KIF11: variants seen among roughly 807,000 people sequenced by gnomAD.
KIF11 encodes the protein kinesin-like protein KIF11.
A neutral mutation model predicts 121.0 loss-of-function variants in KIF11; 9 were observed. The observed-to-expected ratio is 0.07, with a 90% confidence interval of 0.04 to 0.13. The LOEUF (loss-of-function observed/expected upper bound fraction) is 0.13. KIF11 is among the 10% of genes least tolerant of loss of function. The probability of loss-of-function intolerance (pLI) is 1.00; values close to 1 mark genes in which losing one functional copy is unlikely to be tolerated. For synonymous variants in KIF11, 408 were observed against 421.0 expected, an observed-to-expected ratio of 0.97 and a Z score of 0.38; for missense variants, 846 against 1,217.5, an observed-to-expected ratio of 0.69 and a Z score of 4.54.
At chr10:92,594,311 G>T (rs1844267733) in intron 1 of KIF11, among the ~76,000 whole-genome samples, 1 of 152,130 alleles carries the variant, frequency 6.6e-6, no homozygotes, top group Non-Finnish European at 1.5e-5. Flanking sequence ...TTAGGCTATT[G>T]TTTACTCAGC....
Position 92,654,459 on chromosome 10 carries a change from G to C in KIF11, c.*663G>C, listed in dbSNP as rs1210042542. On this transcript the variant is annotated 3_prime_UTR_variant, in exon 22 of 22. Coordinates refer to ENST00000260731, the MANE Select transcript of KIF11 (RefSeq NM_004523.4). Reference sequence around the variant, plus strand: ...ATCACCAACATCTGTCCTTAGAAAGGACCATCTCATGTTTTTTTTCTTGCT... The same window carrying C: ...ATCACCAACATCTGTCCTTAGAAAGCACCATCTCATGTTTTTTTTCTTGCT... 1 of 152,024 alleles carries C rather than the reference G, an allele frequency of 6.6e-6. No homozygotes were observed. Among genetic ancestry groups the C allele is most frequent in the Non-Finnish European group, 1.5e-5 (1 of 68,000 alleles). The allele number at this position is 152,024 out of a possible 1,614,324, so 9.4% of individuals were successfully genotyped here.
At chr10:92,603,266 T>TC (rs1408343564) in intron 1 of KIF11, among the ~76,000 whole-genome samples, 4 of 136,352 alleles carry the variant, frequency 2.9e-5, no homozygotes, top group Non-Finnish European at 4.7e-5. Flanking sequence ...TTCTTTTCTT[T>TC]TTTTTTTTTT....
At chr10:92,651,940 C>G (rs1450597830) in intron 21 of KIF11, among the ~76,000 whole-genome samples, 1 of 134,662 alleles carries the variant, frequency 7.4e-6, no homozygotes, top group African/African-American at 2.7e-5. Flanking sequence ...AGTTCTACTT[C>G]TGAGATGCAT....
Position 92,593,313 on chromosome 10 carries a change from C to T in KIF11, c.-63C>T, listed in dbSNP as rs565712763. ...ACTCCGGCCCCTGTCGGCCGCCAAG[C>T]CCCTCCGCCCCTCACAGCGCCCAGG... On this transcript the variant is annotated 5_prime_UTR_variant, in exon 1 of 22. Coordinates refer to ENST00000260731, the MANE Select transcript of KIF11 (RefSeq NM_004523.4). 4 of 1,523,848 alleles carry T rather than the reference C, an allele frequency of 2.6e-6. No individual in the cohort carries two copies. The highest frequency in any genetic ancestry group is 4.8e-5 in the East Asian group (2 of 41,884). The allele number at this position is 1,523,848 out of a possible 1,614,324, so 94.4% of individuals were successfully genotyped here. A position where few individuals can be genotyped will look rare whatever the true frequency, so the allele number is the denominator to read the frequency against.
chr10:92,615,354 C>T (rs895847599), intron 8 of KIF11, among the ~76,000 whole-genome samples: 6 of 151,848 alleles, frequency 4.0e-5, no homozygotes, highest in Admixed American at 2.6e-4. Flanking sequence ...TGTAGTGAGC[C>T]GAGATTGCGC....
intron 17 of KIF11, among the ~76,000 whole-genome samples, chr10:92,641,367 T>C (rs564386010): frequency 1.2e-4 from 18 of 152,210 alleles, no homozygotes; most frequent in Admixed American, 2.6e-4. Context: ...GTGGGTCTGC[T>C]GGACAGAAAT....
chr10:92,642,112 A>C (rs1344463126), intron 17 of KIF11, among the ~76,000 whole-genome samples: 1 of 152,076 alleles, frequency 6.6e-6, no homozygotes, highest in Non-Finnish European at 1.5e-5. Flanking sequence ...AGACAATTCC[A>C]ACATCTGAGT....
chr10:92,608,119 AAG>A (rs1211071015), intron 4 of KIF11, among the ~76,000 whole-genome samples: 13 of 151,198 alleles, frequency 8.6e-5, no homozygotes, highest in African/African-American at 2.9e-4. Flanking sequence ...TAAAAAAAAA[AAG>A]AATTTTTTTT....
chr10:92,644,181 G>C (rs1232596348), intron 17 of KIF11, among the ~76,000 whole-genome samples: 1 of 152,150 alleles, frequency 6.6e-6, no homozygotes, highest in African/African-American at 2.4e-5. Context: ...GTATGGTCTA[G>C]GGACTTTGTA....
intron 6 of KIF11, among the ~76,000 whole-genome samples, chr10:92,610,793 A>T (rs1844487570): frequency 6.6e-6 from 1 of 152,196 alleles, no homozygotes; most frequent in Admixed American, 6.5e-5. Context: ...ACTCTAAAAA[A>T]GTTTGCATTT....
At chr10:92,624,010 C>T (rs1009765019) in intron 10 of KIF11, among the ~76,000 whole-genome samples, 3 of 151,906 alleles carry the variant, frequency 2.0e-5, no homozygotes, top group Non-Finnish European at 2.9e-5. Flanking sequence ...CCATAGAACC[C>T]GATGGATAGC....
Position 92,618,570 on chromosome 10 carries a change from C to T in KIF11, c.1128+1738C>T, listed in dbSNP as rs187911268. 8.1e-5 allele frequency among the ~76,000 whole-genome samples: 12 copies of T among 147,634 alleles called. No individual in the cohort carries two copies. In the East Asian group the frequency reaches 2.0e-3, roughly 24 times the overall value. On this transcript the variant is annotated intron_variant, in intron 9 of 21. Coordinates refer to ENST00000260731, the MANE Select transcript of KIF11 (RefSeq NM_004523.4). ...CTGAGACAGGAGAATTGCTTGAACT[C>T]GGGAGACAGGTTGCAGTGAGCTGAG...
intron 10 of KIF11, among the ~76,000 whole-genome samples, chr10:92,626,116 C>T (rs1338768358): frequency 6.6e-6 from 1 of 152,174 alleles, no homozygotes; most frequent in Non-Finnish European, 1.5e-5. Context: ...ATAGCCAAAG[C>T]AGTCCTAAGC....
chr10:92,650,089 C>A, intron 20 of KIF11, 103 bp downstream of exon 20: 3 of 832,278 alleles, frequency 3.6e-6, no homozygotes, highest in Non-Finnish European at 5.6e-6. Flanking sequence ...AATCTTACCC[C>A]GCCTCTCATT....
chr10:92,631,466 A>G (rs1844738163), intron 12 of KIF11, among the ~76,000 whole-genome samples: 1 of 144,874 alleles, frequency 6.9e-6, no homozygotes, highest in Non-Finnish European at 1.5e-5. Context: ...GGTTCACGCC[A>G]TTCTCCTGCC....
At chr10:92,612,182 C>A (rs1305266945) in intron 6 of KIF11, among the ~76,000 whole-genome samples, 1 of 151,808 alleles carries the variant, frequency 6.6e-6, no homozygotes, top group Non-Finnish European at 1.5e-5. Context: ...GTCACCCAGG[C>A]TGGAGTGCAG....
rs10786050 is a variant in KIF11, at chr10:92,607,473, A to G, written c.387+236A>G. On this transcript the variant is annotated intron_variant, in intron 4 of 21. Transcript: ENST00000260731. Reference sequence around the variant, plus strand: ...TGGCACAGTTATATGATAAAAGAGGAGTCTATTTATGACAGAATGGTTGGA... The same window carrying G: ...TGGCACAGTTATATGATAAAAGAGGGGTCTATTTATGACAGAATGGTTGGA... Among the ~76,000 whole-genome samples, 106,326 of 152,048 alleles carry G rather than the reference A, an allele frequency of 0.7. 38,549 individuals are homozygous for G. Among genetic ancestry groups the G allele is most frequent in the East Asian group, 0.93 (4,782 of 5,166 alleles).
rs958269422 is a variant in KIF11 at position 92,623,688 on chromosome 10, C to A, written c.1217+2215C>A. Among the ~76,000 whole-genome samples the A allele has an allele frequency of 4.6e-5, 7 of 152,076 alleles. No individual in the cohort carries two copies. The East Asian group carries it at 9.6e-4, about 21-fold the overall frequency. On this transcript the variant is annotated intron_variant, in intron 10 of 21. Transcript: ENST00000260731. ...GATTGTGGGTTAGTGAACAGTTTAC[C>A]ATCACTAATGGAGGTGTTCTTTTTT... is the stretch of plus-strand genomic sequence containing the variant.
chr10:92,639,749 G>A, intron 16 of KIF11, 45 bp from the exon 17 acceptor site: 1 of 1,045,198 alleles, frequency 9.6e-7, no homozygotes, highest in Non-Finnish European at 1.5e-6. Context: ...AAATGTTCAA[G>A]TGTCATAATT....
Sources: gnomAD v4.1 joint callset for allele counts (sites outside exome capture counted in the v4.1 genomes callset) on GRCh38, gnomAD v4.1.1 for gene constraint, MANE v1.5 for transcripts, NCBI Gene and HGNC (gene_info 2026-07-23, HGNC 2026-07-21) for gene names.